LY96: variants seen among roughly 807,000 people sequenced by gnomAD.
LY96 encodes the protein lymphocyte antigen 96.
In LY96, 18 loss-of-function variants were observed where a neutral mutation model predicts 18.9. That is an observed-to-expected ratio of 0.95 (90% CI 0.66 to 1.41). The LOEUF (loss-of-function observed/expected upper bound fraction) is 1.41, where lower values mean the gene tolerates loss of function less well. Among genes scored for constraint, LY96 ranks in the 40% most tolerant of loss-of-function variants. The probability of loss-of-function intolerance (pLI) is 0.00; values close to 1 mark genes in which losing one functional copy is unlikely to be tolerated. For synonymous variants in LY96, 66 were observed against 62.6 expected (o/e 1.06, Z -0.26); for missense variants, 175 against 182.4 (o/e 0.96, Z 0.23).
At chr8:74,080,968 C>G in the LY96 span, among the ~76,000 whole-genome samples, 1 of 146,286 alleles carries the variant, frequency 6.8e-6, no homozygotes, top group Non-Finnish European at 1.5e-5. Context: ...CTTGTGCCTT[C>G]TTTCTTTCTT....
At chr8:74,021,382 C>T (rs1816756419) in intron 3 of LY96, among the ~76,000 whole-genome samples, 1 of 152,196 alleles carries the variant, frequency 6.6e-6, no homozygotes. Flanking sequence ...TACCATCTCA[C>T]ACTGGTTAGA....
intron 3 of LY96, among the ~76,000 whole-genome samples, chr8:74,016,494 C>T (rs1203040879): frequency 6.6e-6 from 1 of 152,214 alleles, no homozygotes; most frequent in Non-Finnish European, 1.5e-5. Context: ...TGTCTGACAG[C>T]TCTGAAGAGA....
chr8:74,090,633 T>C, the LY96 span, among the ~76,000 whole-genome samples: 2 of 152,186 alleles, frequency 1.3e-5, 1 homozygote, highest in South Asian at 4.1e-4. Flanking sequence ...GTATTTTTAG[T>C]ATGTGGTCAA....
chr8:74,025,594 G>T (rs767501938), intron 3 of LY96, among the ~76,000 whole-genome samples: 1 of 148,504 alleles, frequency 6.7e-6, no homozygotes, highest in Admixed American at 6.8e-5. Flanking sequence ...GGCGGAGCTT[G>T]CAGTGAGCCA....
At chr8:74,085,563 C>G in the LY96 span, among the ~76,000 whole-genome samples, 1 of 152,198 alleles carries the variant, frequency 6.6e-6, no homozygotes, top group South Asian at 2.1e-4. Flanking sequence ...AATAGTGATG[C>G]CTTTGCCGCA....
At chr8:74,016,431 C>A (rs564752000) in intron 3 of LY96, among the ~76,000 whole-genome samples, 1 of 152,224 alleles carries the variant, frequency 6.6e-6, no homozygotes, top group Non-Finnish European at 1.5e-5. Context: ...CCTCTGGGGG[C>A]AGGGTATAGC....
the LY96 span, among the ~76,000 whole-genome samples, chr8:74,038,663 A>C: frequency 9.2e-5 from 14 of 152,246 alleles, no homozygotes; most frequent in Non-Finnish European, 2.1e-4. Flanking sequence ...AAGTGCTGGG[A>C]TTATAGGCAT....
chr8:74,025,116 C>G (rs898598721), intron 3 of LY96, among the ~76,000 whole-genome samples: 2 of 152,162 alleles, frequency 1.3e-5, no homozygotes, highest in Non-Finnish European at 2.9e-5. Flanking sequence ...CATGAGCCAC[C>G]GCTCACAGCT....
At chr8:74,089,889 G>A in the LY96 span, among the ~76,000 whole-genome samples, 1 of 151,484 alleles carries the variant, frequency 6.6e-6, no homozygotes, top group African/African-American at 2.5e-5. Context: ...CTGAGGATAA[G>A]CATCCAAGCA....
At chr8:74,071,295 A>T in the LY96 span, among the ~76,000 whole-genome samples, 1 of 151,378 alleles carries the variant, frequency 6.6e-6, no homozygotes, top group Non-Finnish European at 1.5e-5. Flanking sequence ...ATGAAGAAAC[A>T]GGGTTAGAAG....
chr8:74,089,839 G>A, the LY96 span, among the ~76,000 whole-genome samples: 7 of 152,134 alleles, frequency 4.6e-5, no homozygotes, highest in Non-Finnish European at 8.8e-5. Flanking sequence ...ATCATGTGCT[G>A]TTTGAGCAAA....
At chr8:74,013,781 G>GT (rs1484373188) in intron 3 of LY96, among the ~76,000 whole-genome samples, 2 of 152,226 alleles carry the variant, frequency 1.3e-5, no homozygotes, top group Non-Finnish European at 2.9e-5. Context: ...TTGGAGAGTA[G>GT]TTTTTTTGTA....
At chr8:74,037,189 G>A in the LY96 span, among the ~76,000 whole-genome samples, 1 of 152,306 alleles carries the variant, frequency 6.6e-6, no homozygotes, top group South Asian at 2.1e-4. Flanking sequence ...GGCTCAATCA[G>A]AAGGGATGGA....
rs756373007 is a variant in LY96 at position 73,996,372 on chromosome 8, C to CATTTCTTTCTTTCTTTCTTTCTTT, written c.112+4818_112+4819insATTTCTTTCTTTCTTTCTTTCTTT. On this transcript the variant is annotated intron_variant, in intron 1 of 4. Transcript: ENST00000284818. ...TCCTTCCTTCCTTCCTTCCTTCATT[C>CATTTCTTTCTTTCTTTCTTTCTTT]CTTTCTTTCTTTCTTTCTTTCTTTC... 4.7e-4 allele frequency among the ~76,000 whole-genome samples: 52 copies of CATTTCTTTCTTTCTTTCTTTCTTT among 111,006 alleles called. 2 individuals are homozygous for CATTTCTTTCTTTCTTTCTTTCTTT. The highest frequency in any genetic ancestry group is 2.9e-3 in the East Asian group (9 of 3,154). The allele number at this position is 111,006 out of a possible 152,430, so 72.8% of individuals were successfully genotyped here. A position where few individuals can be genotyped will look rare whatever the true frequency, so the allele number is the denominator to read the frequency against.
At chr8:74,020,409 G>A (rs998982643) in intron 3 of LY96, among the ~76,000 whole-genome samples, 6 of 152,100 alleles carry the variant, frequency 3.9e-5, no homozygotes, top group African/African-American at 9.7e-5. Context: ...ACTGCCCAAC[G>A]AAATAAAAGA....
At chr8:73,998,658 G>A (rs1816199535) in intron 1 of LY96, among the ~76,000 whole-genome samples, 1 of 151,982 alleles carries the variant, frequency 6.6e-6, no homozygotes, top group Non-Finnish European at 1.5e-5. Context: ...ACTTTATCCT[G>A]GGTGACAGAG....
At chr8:73,998,380 A>G (rs561252583) in intron 1 of LY96, among the ~76,000 whole-genome samples, 1 of 152,200 alleles carries the variant, frequency 6.6e-6, no homozygotes. Flanking sequence ...TAGTTCTGTA[A>G]AAAATGTCAC....
chr8:74,061,663 AAAG>A, the LY96 span, among the ~76,000 whole-genome samples: 1 of 152,210 alleles, frequency 6.6e-6, no homozygotes, highest in African/African-American at 2.4e-5. Flanking sequence ...TTTTTCAAAA[AAAG>A]AGGTTATAGA....
At chr8:74,068,061 CAAAAAAAAAAAAAAAA>C in the LY96 span, among the ~76,000 whole-genome samples, 1 of 36,192 alleles carries the variant, frequency 2.8e-5, no homozygotes, top group Non-Finnish European at 4.6e-5. Context: ...AACTCTGTCT[CAAAAAAAAAAAAAAAA>C]AAAAAAAAAA....
Sources: allele counts gnomAD v4.1 joint callset (sites outside exome capture counted in the v4.1 genomes callset), GRCh38; gene constraint gnomAD v4.1.1; transcripts MANE v1.5; gene names NCBI Gene and HGNC (gene_info 2026-07-23, HGNC 2026-07-21).